DIPK1C: variants seen among roughly 807,000 people sequenced by gnomAD.
DIPK1C encodes familial non-conventional Alzheimer's dementia.
In DIPK1C, 33 loss-of-function variants were observed where a neutral mutation model predicts 28.0. The observed-to-expected ratio is 1.18, with a 90% CI of 0.89 to 1.58. The LOEUF (loss-of-function observed/expected upper bound fraction) is 1.58, where lower values mean the gene tolerates loss of function less well. Among genes scored for constraint, DIPK1C ranks in the 40% most tolerant of loss-of-function variants. The pLI is 0.00. For synonymous variants in DIPK1C, 255 were observed against 248.8 expected (o/e 1.02, Z -0.23); for missense variants, 569 against 568.5 (o/e 1.00, Z -0.01).
In DIPK1C at chr18:74,436,331, G is replaced by A. The variant is rs1028414654; in HGVS notation, c.*170C>T. The A allele has an allele frequency of 2.7e-5, 18 of 659,210 alleles. No homozygotes were observed. The highest frequency in any genetic ancestry group is 1.3e-4 in the African/African-American group (7 of 54,736). The allele number at this position is 659,210 out of a possible 1,614,324, so 40.8% of individuals were successfully genotyped here. On this transcript the variant is annotated 3_prime_UTR_variant, in exon 4 of 4. Transcript: ENST00000343998. ...GACAGGTCAGAGGCCAGGGTGGGACGAGAGCGAGGGAGCACTGTCTCTGGC... is the reference window on the plus strand; with the variant it reads ...GACAGGTCAGAGGCCAGGGTGGGACAAGAGCGAGGGAGCACTGTCTCTGGC...
chr18:74,450,495 G>C (rs1986374278), intron 1 of DIPK1C, among the ~76,000 whole-genome samples: 2 of 152,264 alleles, frequency 1.3e-5, no homozygotes, highest in South Asian at 4.2e-4. Context: ...AACTGAGAGA[G>C]GAGGCTCAGG....
At position 74,455,146 on chromosome 18, in the gene DIPK1C, T is replaced by C. The variant is rs534907318; in HGVS notation, c.198+1916A>G. ...ATGGCTGCCATTGAAGATATATTGG[T>C]AAAGCCTCTAAACAGAATTGGTTTT... On this transcript the variant is annotated intron_variant, in intron 1 of 3. Coordinates refer to ENST00000343998, the MANE Select transcript of DIPK1C (RefSeq NM_001044369.3). Among the ~76,000 whole-genome samples the C allele has an allele frequency of 3.3e-5, 5 of 152,316 alleles. No individual in the cohort carries two copies. In the East Asian group the frequency reaches 7.7e-4, roughly 24 times the overall value.
chr18:74,440,219 T>C (rs1037304450), intron 3 of DIPK1C, among the ~76,000 whole-genome samples: 2 of 152,204 alleles, frequency 1.3e-5, no homozygotes, highest in African/African-American at 4.8e-5. Flanking sequence ...GCTAGGATTA[T>C]GGGATCGTAT....
At chr18:74,461,374 T>TCCTTCCTTCCTTCCTTC (rs1269436594), upstream of DIPK1C, among the ~76,000 whole-genome samples, 7 of 148,582 alleles carry the variant, frequency 4.7e-5, no homozygotes, top group Admixed American at 2.0e-4. Flanking sequence ...CTTCCTTCCT[T>TCCTTCCTTCCTTCCTTC]CCTTTCTTCC....
At chr18:74,459,537 A>C (rs1986585711), upstream of DIPK1C, among the ~76,000 whole-genome samples, 1 of 152,180 alleles carries the variant, frequency 6.6e-6, no homozygotes, top group Non-Finnish European at 1.5e-5. Flanking sequence ...TAGGGCCCTG[A>C]AGCTGCCTAG....
chr18:74,453,009 C>G (rs1986432100), intron 1 of DIPK1C, among the ~76,000 whole-genome samples: 1 of 152,200 alleles, frequency 6.6e-6, no homozygotes, highest in Non-Finnish European at 1.5e-5. Flanking sequence ...GCAGCTAACT[C>G]TAGTGTGCTT....
chr18:74,446,698 C>G lies in DIPK1C; in HGVS notation c.784G>C (p.Asp262His). Reference sequence around the variant, plus strand: ...TCACTGTCAAAATGGTTCACCATGTCCAAGAAGCTGAGTGCGATGTCACTG... The same window carrying G: ...TCACTGTCAAAATGGTTCACCATGTGCAAGAAGCTGAGTGCGATGTCACTG... The part of the protein sequence containing the change: ...AISDIALSFL[D>H]MVNHFDSDFS... The change falls in exon 2 of 4, where the codon GAC becomes CAC. Residue 262 changes from aspartate to histidine, a missense_variant. Coordinates refer to ENST00000343998, the MANE Select transcript of DIPK1C (RefSeq NM_001044369.3). 6.5e-7 allele frequency: 1 copy of G among 1,540,126 alleles called. No individual in the cohort carries two copies. The highest frequency in any genetic ancestry group is 8.8e-7 in the Non-Finnish European group (1 of 1,141,344).
chr18:74,463,620 G>A, the DIPK1C span, among the ~76,000 whole-genome samples: 1,021 of 152,094 alleles, frequency 6.7e-3, 13 homozygotes, highest in African/African-American at 0.023. Context: ...TCAGGCAAGC[G>A]CATGAAGATT....
intron 1 of DIPK1C, among the ~76,000 whole-genome samples, chr18:74,448,651 G>T (rs1404339125): frequency 6.6e-6 from 1 of 152,120 alleles, no homozygotes; most frequent in South Asian, 2.1e-4. Flanking sequence ...GTGTATGCAC[G>T]AGCACCAGGC....
At chr18:74,442,546 G>C (rs867760859) in intron 2 of DIPK1C, among the ~76,000 whole-genome samples, 17 of 152,256 alleles carry the variant, frequency 1.1e-4, no homozygotes, top group Admixed American at 8.5e-4. Flanking sequence ...AGCCAGGATG[G>C]TCTCGATCTC....
At chr18:74,444,843 G>A (rs893825280) in intron 2 of DIPK1C, among the ~76,000 whole-genome samples, 1 of 152,154 alleles carries the variant, frequency 6.6e-6, no homozygotes, top group Non-Finnish European at 1.5e-5. Context: ...GGTTGAGGAC[G>A]CATAGTCACG....
Position 74,447,901 on chromosome 18 carries a change from C to T in DIPK1C, c.199-618G>A, listed in dbSNP as rs1466438500. On this transcript the variant is annotated intron_variant, in intron 1 of 3. Transcript: ENST00000343998. The surrounding 1 kb of genome is among the most constrained non-coding windows in gnomAD (Gnocchi z 4.1). ...AGGACACATGAGTGGGCACAGGGCT[C>T]ATGGCTGGTGACCTGGAGAAGAGGA... 1.3e-5 allele frequency among the ~76,000 whole-genome samples: 2 copies of T among 152,180 alleles called. No individual in the cohort carries two copies. Among genetic ancestry groups the T allele is most frequent in the South Asian group, 2.1e-4 (1 of 4,830 alleles).
At chr18:74,442,942 G>A (rs1465146502) in intron 2 of DIPK1C, among the ~76,000 whole-genome samples, 1 of 152,178 alleles carries the variant, frequency 6.6e-6, no homozygotes. Flanking sequence ...CTGGTCTCCG[G>A]GTGTGATGGA....
intron 1 of DIPK1C, among the ~76,000 whole-genome samples, chr18:74,452,940 T>G (rs1467328248): frequency 1.3e-5 from 2 of 152,178 alleles, no homozygotes; most frequent in African/African-American, 2.4e-5. Flanking sequence ...TGTGCGCATA[T>G]AAAATCCACA....
At chr18:74,443,947 G>A (rs1986202072) in intron 2 of DIPK1C, among the ~76,000 whole-genome samples, 1 of 151,962 alleles carries the variant, frequency 6.6e-6, no homozygotes, top group Admixed American at 6.6e-5. Flanking sequence ...CATCTCCCAG[G>A]GAGAGCCAGG....
upstream of DIPK1C, chr18:74,457,351 G>C (rs1352795621): frequency 2.2e-6 from 2 of 929,970 alleles, no homozygotes; most frequent in Non-Finnish European, 2.6e-6. Flanking sequence ...CCGCTCGGCG[G>C]GGAGGGGGAA....
At chr18:74,455,594 G>A (rs972628433) in intron 1 of DIPK1C, among the ~76,000 whole-genome samples, 8 of 151,940 alleles carry the variant, frequency 5.3e-5, no homozygotes, top group African/African-American at 9.7e-5. Flanking sequence ...AGTTCGAGAC[G>A]AGCCTGACCA....
chr18:74,449,070 C>G (rs554620229), intron 1 of DIPK1C, among the ~76,000 whole-genome samples: 1 of 152,154 alleles, frequency 6.6e-6, no homozygotes, highest in African/African-American at 2.4e-5. Flanking sequence ...AATTGTGCCA[C>G]TGCACTCCAG....
chr18:74,437,752 A>C (rs1470330518), intron 3 of DIPK1C, among the ~76,000 whole-genome samples: 1 of 152,188 alleles, frequency 6.6e-6, no homozygotes, highest in Non-Finnish European at 1.5e-5. Context: ...CCTCACCCCG[A>C]TGCTCAGCTC....
Sources: allele counts gnomAD v4.1 joint callset (sites outside exome capture counted in the v4.1 genomes callset), GRCh38; gene constraint gnomAD v4.1.1; non-coding constraint Gnocchi (gnomAD v3.1); transcripts MANE v1.5; gene names NCBI Gene and HGNC (gene_info 2026-07-23, HGNC 2026-07-21).